The following HEATR1 variants were observed in gnomAD, a reference collection of about 807,000 sequenced individuals.
HEATR1 encodes HEAT repeat-containing protein 1.
Under a neutral mutation model 248.2 loss-of-function variants are expected in HEATR1, and 77 were observed. That is an observed-to-expected ratio of 0.31 (90% CI 0.26 to 0.37). HEATR1 has a LOEUF of 0.37. HEATR1 is among the 10% of genes least tolerant of loss of function. The pLI, the probability that HEATR1 is intolerant of heterozygous loss-of-function variation, is 1.00. For synonymous variants in HEATR1, 897 were observed against 923.1 expected, an observed-to-expected ratio of 0.97 and a Z score of 0.51; for missense variants, 2,420 against 2,504.9, an observed-to-expected ratio of 0.97 and a Z score of 0.72.
In HEATR1 at chr1:236,581,372, CA is replaced by C. The variant is rs1663733546; in HGVS notation, c.2604del (p.Val869PhefsTer13). On this transcript the variant is annotated frameshift_variant, in exon 20 of 45. Transcript: ENST00000366582. LOFTEE classifies it high-confidence loss of function. ...AGGCTAGAACCATAGGTCCATAAAA[CA>C]GAACAGAACTTGAATAACTGAAAAA... ...EDVFQLFKFC[S>X]VLWTYGSSLS... The C allele has an allele frequency of 6.4e-7, 1 of 1,567,314 alleles. No individual in the cohort carries two copies.
At position 236,559,817 on chromosome 1, in the gene HEATR1, C is replaced by T. The variant is rs758501854; in HGVS notation, c.4667G>A (p.Gly1556Asp). 6.2e-7 allele frequency: 1 copy of T among 1,609,710 alleles called. No individual in the cohort carries two copies. The highest frequency in any genetic ancestry group is 8.5e-7 in the Non-Finnish European group (1 of 1,177,370). ...LEERLLETVL[G>D]YISAVAQSME... The stretch of plus-strand genomic sequence containing the variant: ...GGACTGTGCAACTGCACTGATATAG[C>T]CGAGAACGGTCTCCAGCAACCTGAA... The change falls in exon 34 of 45, where the codon GGC becomes GAC. Residue 1556 changes from glycine to aspartate, a missense_variant. Physicochemically the swap from Gly to Asp is moderately conservative, Grantham distance 94. Transcript: ENST00000366582.
At chr1:236,573,416 G>T (rs1663482838) in intron 24 of HEATR1, among the ~76,000 whole-genome samples, 1 of 152,038 alleles carries the variant, frequency 6.6e-6, no homozygotes. Flanking sequence ...TTTTTATAAG[G>T]TTCTAACATC....
intron 1 of HEATR1, 75 bp from the exon 2 acceptor site, chr1:236,604,202 C>G: frequency 3.3e-6 from 4 of 1,217,302 alleles, no homozygotes; most frequent in Non-Finnish European, 4.5e-6. Context: ...TTCTCTTCTG[C>G]ACTCAGCACC....
At chr1:236,593,296 AG>A (rs1363803082) in intron 9 of HEATR1, among the ~76,000 whole-genome samples, 1 of 152,152 alleles carries the variant, frequency 6.6e-6, no homozygotes, top group Non-Finnish European at 1.5e-5. Flanking sequence ...TCTGTGCCAC[AG>A]AGTGGGGTTT....
At chr1:236,589,499 T>A (rs78089541) in intron 12 of HEATR1, among the ~76,000 whole-genome samples, 14,400 of 124,362 alleles carry the variant, frequency 0.12, 835 homozygotes, top group East Asian at 0.25. Flanking sequence ...AAAACAAAAA[T>A]TTTTTTTTAA....
At chr1:236,587,624 A>G (rs562197411) in intron 13 of HEATR1, 134 bp from the exon 14 acceptor site, 1 of 459,316 alleles carries the variant, frequency 2.2e-6, no homozygotes, top group East Asian at 3.4e-5. Context: ...TAAAAGTTTT[A>G]AGATCTATTT....
chr1:236,566,652 G>A lies in HEATR1; in HGVS notation c.4302C>T (p.Gly1434=), dbSNP rs376988995. The part of the protein sequence containing the change: ...VTKTVLAAAY[G]EKDAILEADT... ...TCCCACCCTAGGTTCTGACCTTTTC[G>A]CCATAGGCAGCCGCCAGCACTGTTT... Residue 1434 remains glycine, a synonymous_variant, in exon 30 of 45, where the codon GGC becomes GGT. Transcript: ENST00000366582. The A allele has an allele frequency of 2.0e-4, 316 of 1,611,074 alleles. No homozygotes were observed. The highest frequency in any genetic ancestry group is 1.9e-4 in the Non-Finnish European group (225 of 1,177,796).
intron 24 of HEATR1, among the ~76,000 whole-genome samples, chr1:236,573,678 A>T (rs1461461477): frequency 6.6e-6 from 1 of 152,168 alleles, no homozygotes; most frequent in Non-Finnish European, 1.5e-5. Flanking sequence ...AAAAAAGATT[A>T]ATATGTTAAA....
In HEATR1 at chr1:236,574,729, TTATAAA is replaced by T; in HGVS notation, c.3253_3258del (p.Phe1085_Ile1086del). 6.2e-7 allele frequency: 1 copy of T among 1,613,962 alleles called. No individual in the cohort carries two copies. The highest frequency in any genetic ancestry group is 8.5e-7 in the Non-Finnish European group (1 of 1,179,836). On this transcript the variant is annotated inframe_deletion, in exon 23 of 45. Coordinates refer to ENST00000366582, the MANE Select transcript of HEATR1 (RefSeq NM_018072.6). ...AGTTCCTTTGTTGTGTGCACAGCTT[TTATAAA>T]TATATCTAGACTCTTCGGATCCTCA...
chr1:236,584,237 A>G (rs1213309701), intron 17 of HEATR1, among the ~76,000 whole-genome samples: 1 of 152,224 alleles, frequency 6.6e-6, no homozygotes, highest in African/African-American at 2.4e-5. Context: ...TTTAACACTG[A>G]GAACCAGTAT....
Position 236,555,325 on chromosome 1 carries a change from G to T in HEATR1, c.5894C>A (p.Thr1965Asn). The T allele has an allele frequency of 6.2e-7, 1 of 1,614,176 alleles. No homozygotes were observed. Among genetic ancestry groups the T allele is most frequent in the Non-Finnish European group, 8.5e-7 (1 of 1,180,024 alleles). ...TTTGGAGATGTTCACCTGGTTCAAGGTGTCAGCAAAAGGCTTCACTAAGTG... is the reference window on the plus strand; with the variant it reads ...TTTGGAGATGTTCACCTGGTTCAAGTTGTCAGCAAAAGGCTTCACTAAGTG... ...AGHLVKPFAD[T>N]LNQVNISKTD... Residue 1965 changes from threonine to asparagine, a missense_variant, in exon 41 of 45, where the codon ACC becomes AAC. Transcript: ENST00000366582.
intron 20 of HEATR1, among the ~76,000 whole-genome samples, chr1:236,580,601 T>G (rs1209319093): frequency 6.8e-6 from 1 of 148,080 alleles, no homozygotes; most frequent in Non-Finnish European, 1.5e-5. Flanking sequence ...ACTGCAGCCT[T>G]GACCTCCCAG....
intron 28 of HEATR1, among the ~76,000 whole-genome samples, chr1:236,570,626 T>C (rs2853603): frequency 0.6 from 91,105 of 152,032 alleles, 29,409 homozygotes; most frequent in Non-Finnish European, 0.72. Flanking sequence ...AATTGTATAC[T>C]TTAAATGGGT....
rs1664371510 is a variant in HEATR1 at position 236,603,200 on chromosome 1, G to A, written c.319C>T (p.Leu107Phe). ...TCCAGACACTTCTGTGCTGGCTTAA[G>A]CAGGAAGTAAGGCGACAAGTGAATA... Reference protein sequence around the residue: ...FLIHLSPYFLLKPAQKCLEWL... With the variant: ...FLIHLSPYFLFKPAQKCLEWL... The change falls in exon 3 of 45, where the codon CTT (leucine) becomes TTT (phenylalanine). Residue 107 changes from leucine (L) to phenylalanine (F), a missense_variant. By Grantham distance (22) the Leu-to-Phe change is conservative. Transcript: ENST00000366582. 1 of 1,613,976 alleles carries A rather than the reference G, an allele frequency of 6.2e-7. No individual in the cohort carries two copies. The highest frequency in any genetic ancestry group is 1.1e-5 in the South Asian group (1 of 91,086).
chr1:236,559,937 T>C, intron 33 of HEATR1, 100 bp from the exon 34 acceptor site: 3 of 1,248,004 alleles, frequency 2.4e-6, no homozygotes, highest in Non-Finnish European at 2.2e-6. Flanking sequence ...AAAGACGAGT[T>C]AAATAATTCT....
At chr1:236,599,806 C>T (rs192179492) in intron 3 of HEATR1, among the ~76,000 whole-genome samples, 182 bp from the exon 4 acceptor site, 1 of 152,318 alleles carries the variant, frequency 6.6e-6, no homozygotes, top group African/African-American at 2.4e-5. Flanking sequence ...TCACATATCC[C>T]TCAACATGGT....
chr1:236,556,198 G>C lies in HEATR1; in HGVS notation c.5416C>G (p.Leu1806Val). 1 of 1,613,994 alleles carries C rather than the reference G, an allele frequency of 6.2e-7. No homozygotes were observed. The change falls in exon 38 of 45, where the codon CTC (leucine) becomes GTC (valine). Residue 1806 changes from leucine (L) to valine (V), a missense_variant. Leu to Val is a conservative substitution (Grantham distance 32). Coordinates refer to ENST00000366582, the MANE Select transcript of HEATR1 (RefSeq NM_018072.6). Reference sequence around the variant, plus strand: ...GCCAGTGTCTTTTTAAGAGATGTGAGACGGATATTAGCCTGTGACGCAGAA... The same window carrying C: ...GCCAGTGTCTTTTTAAGAGATGTGACACGGATATTAGCCTGTGACGCAGAA... ...MGSASQANIR[L>V]TSLKKTLATT...
intron 37 of HEATR1, 134 bp downstream of exon 37, chr1:236,557,061 A>T: frequency 1.1e-6 from 1 of 873,210 alleles, no homozygotes; most frequent in Non-Finnish European, 1.7e-6. Context: ...AAAAGCAAGC[A>T]CATCTCTTCA....
intron 12 of HEATR1, among the ~76,000 whole-genome samples, chr1:236,589,703 G>C (rs1048596851): frequency 3.9e-5 from 6 of 152,150 alleles, no homozygotes; most frequent in Non-Finnish European, 8.8e-5. Context: ...TGTGCTACAA[G>C]GAAACTAAAC....
Sources: allele counts gnomAD v4.1 joint callset (sites outside exome capture counted in the v4.1 genomes callset), GRCh38; gene constraint gnomAD v4.1.1; transcripts MANE v1.5; gene names NCBI Gene and HGNC (gene_info 2026-07-23, HGNC 2026-07-21).